TOMM20: variants seen among roughly 807,000 people sequenced by gnomAD.
TOMM20 encodes mitochondrial import receptor subunit TOM20 homolog.
Under a neutral mutation model 22.1 loss-of-function variants are expected in TOMM20, and 10 were observed. That is an observed-to-expected ratio of 0.45 (90% CI 0.28 to 0.77). The LOEUF (loss-of-function observed/expected upper bound fraction) is 0.77, where lower values mean the gene tolerates loss of function less well. TOMM20 is among the 30% of genes least tolerant of loss of function. The pLI is 0.13. For synonymous variants in TOMM20, 55 were observed against 61.4 expected, an observed-to-expected ratio of 0.90 and a Z score of 0.49; for missense variants, 121 against 172.2, an observed-to-expected ratio of 0.70 and a Z score of 1.66.
intron 3 of TOMM20, among the ~76,000 whole-genome samples, chr1:235,116,920 G>A (rs906011448): frequency 2.0e-5 from 3 of 151,718 alleles, no homozygotes; most frequent in Non-Finnish European, 4.4e-5. Flanking sequence ...CGGATCACAA[G>A]GTCAGGAGAT....
At chr1:235,116,932 G>C (rs373051275) in intron 3 of TOMM20, among the ~76,000 whole-genome samples, 5 of 149,938 alleles carry the variant, frequency 3.3e-5, no homozygotes, top group Admixed American at 2.7e-4. Context: ...TCAGGAGATC[G>C]AGACCATCCT....
At chr1:235,125,510 C>T (rs961465878) in intron 1 of TOMM20, among the ~76,000 whole-genome samples, 12 of 152,054 alleles carry the variant, frequency 7.9e-5, no homozygotes, top group African/African-American at 2.4e-4. Flanking sequence ...CCACCACGCC[C>T]GGCCGCCTAA....
At chr1:235,122,032 C>A (rs764666866) in intron 2 of TOMM20, among the ~76,000 whole-genome samples, 25 of 152,134 alleles carry the variant, frequency 1.6e-4, no homozygotes, top group Non-Finnish European at 3.7e-4. Context: ...TGATTAGGAA[C>A]TTTTCATCTT....
chr1:235,124,881 G>A (rs1437866713), intron 1 of TOMM20, among the ~76,000 whole-genome samples: 1 of 152,074 alleles, frequency 6.6e-6, no homozygotes, highest in Non-Finnish European at 1.5e-5. Flanking sequence ...AGGGACAGAT[G>A]GTAATCAACT....
At chr1:235,119,933 A>G (rs759348179) in intron 2 of TOMM20, 34 bp from the exon 3 acceptor site, 3 of 1,422,864 alleles carry the variant, frequency 2.1e-6, no homozygotes, top group Non-Finnish European at 9.9e-7. Flanking sequence ...TGACACCACA[A>G]TTATGCCAGG....
In TOMM20 at chr1:235,122,869, T is replaced by C. The variant is rs541666823; in HGVS notation, c.122-497A>G. Among the ~76,000 whole-genome samples, 4 of 152,336 alleles carry C rather than the reference T, an allele frequency of 2.6e-5. No individual in the cohort carries two copies. In the East Asian group the frequency reaches 7.7e-4, roughly 29 times the overall value. Reference sequence around the variant, plus strand: ...AAATACTATACCACTTAAAGGTACTTGAGCATCATCAGAATTTGGTATCCA... The same window carrying C: ...AAATACTATACCACTTAAAGGTACTCGAGCATCATCAGAATTTGGTATCCA... On this transcript the variant is annotated intron_variant, in intron 1 of 4. Transcript: ENST00000366607.
intron 3 of TOMM20, among the ~76,000 whole-genome samples, chr1:235,116,873 A>T (rs144099836): frequency 0.014 from 2,200 of 152,052 alleles, 29 homozygotes; most frequent in Non-Finnish European, 0.022. Context: ...CGCTGGCTCA[A>T]GCCTGTAATC....
intron 1 of TOMM20, among the ~76,000 whole-genome samples, chr1:235,126,355 T>A (rs1389449314): frequency 6.6e-6 from 1 of 151,026 alleles, no homozygotes; most frequent in Non-Finnish European, 1.5e-5. Context: ...CTGCTTGAAC[T>A]CCTGACATGA....
intron 3 of TOMM20, among the ~76,000 whole-genome samples, chr1:235,114,962 T>C (rs559001861): frequency 2.0e-5 from 3 of 152,118 alleles, no homozygotes; most frequent in Admixed American, 1.3e-4. Flanking sequence ...CTCAACCTCC[T>C]GGGCTCAAGC....
intron 1 of TOMM20, among the ~76,000 whole-genome samples, chr1:235,124,672 G>GT (rs1434753945): frequency 6.6e-6 from 1 of 152,130 alleles, no homozygotes; most frequent in African/African-American, 2.4e-5. Flanking sequence ...TGAGTCATAA[G>GT]TTTTTTTAAT....
chr1:235,120,738 G>A (rs916795206), intron 2 of TOMM20, among the ~76,000 whole-genome samples: 3 of 151,838 alleles, frequency 2.0e-5, no homozygotes, highest in African/African-American at 7.3e-5. Flanking sequence ...AGGCATGGTG[G>A]TGCATGCCTA....
In TOMM20 at chr1:235,110,569, G is replaced by A. The variant is rs1660722946; in HGVS notation, c.*1495C>T. 1 of 152,186 alleles carries A rather than the reference G, an allele frequency of 6.6e-6. No homozygotes were observed. Among genetic ancestry groups the A allele is most frequent in the Admixed American group, 6.5e-5 (1 of 15,270 alleles). The allele number at this position is 152,186 out of a possible 1,614,324, so 9.4% of individuals were successfully genotyped here. A position where few individuals can be genotyped will look rare whatever the true frequency, so the allele number is the denominator to read the frequency against. ...ATACCCGAGAAAAGTCCTCAAATGT[G>A]AGTCGCCTAGTCTAACAGTAGAGGT... On this transcript the variant is annotated 3_prime_UTR_variant, in exon 5 of 5. Coordinates refer to ENST00000366607, the MANE Select transcript of TOMM20 (RefSeq NM_014765.3).
At chr1:235,124,494 T>C (rs767289253) in intron 1 of TOMM20, among the ~76,000 whole-genome samples, 83 of 152,342 alleles carry the variant, frequency 5.4e-4, no homozygotes, top group Middle Eastern at 3.4e-3. Context: ...TCTGCCTCTA[T>C]AGTTAATAGT....
intron 1 of TOMM20, among the ~76,000 whole-genome samples, chr1:235,125,050 C>G (rs746108528): frequency 1.3e-5 from 2 of 152,126 alleles, no homozygotes; most frequent in Non-Finnish European, 2.9e-5. Context: ...TGTAATTTGG[C>G]AAATTACATT....
intron 3 of TOMM20, among the ~76,000 whole-genome samples, chr1:235,116,234 T>C (rs1660824911): frequency 6.6e-6 from 1 of 151,906 alleles, no homozygotes; most frequent in Non-Finnish European, 1.5e-5. Context: ...TGAAACTCCA[T>C]CTCTACTAAA....
intron 4 of TOMM20, among the ~76,000 whole-genome samples, chr1:235,112,744 G>A (rs1415503734): frequency 6.6e-6 from 1 of 152,110 alleles, no homozygotes; most frequent in Non-Finnish European, 1.5e-5. Flanking sequence ...CATTTTTAAG[G>A]AATTAGGCTT....
At chr1:235,119,709 G>T in intron 3 of TOMM20, 109 bp downstream of exon 3, 1 of 597,700 alleles carries the variant, frequency 1.7e-6, no homozygotes, top group Non-Finnish European at 2.8e-6. Flanking sequence ...GAGATACTTG[G>T]AGTACCTTTT....
chr1:235,126,499 T>C (rs1359762846), intron 1 of TOMM20, among the ~76,000 whole-genome samples: 1 of 152,008 alleles, frequency 6.6e-6, no homozygotes, highest in African/African-American at 2.4e-5. Context: ...AACAACAAAA[T>C]ATTTCTACTC....
intron 1 of TOMM20, among the ~76,000 whole-genome samples, chr1:235,125,372 G>A (rs1660993950): frequency 6.6e-6 from 1 of 152,154 alleles, no homozygotes; most frequent in South Asian, 2.1e-4. Flanking sequence ...CCGCCACCAT[G>A]CCCGGCTAAG....
Sources: gnomAD v4.1 joint callset for allele counts (sites outside exome capture counted in the v4.1 genomes callset) on GRCh38, gnomAD v4.1.1 for gene constraint, MANE v1.5 for transcripts, NCBI Gene and HGNC (gene_info 2026-07-23, HGNC 2026-07-21) for gene names.